Variants in ASB4 observed in about 807,000 individuals in gnomAD.
The protein encoded by ASB4 is ankyrin repeat and SOCS box containing 4, also known as ankyrin repeat and SOCS box protein 4.
In ASB4, 35 loss-of-function variants were observed where a neutral mutation model predicts 38.6. The observed-to-expected ratio is 0.91, with a 90% CI of 0.69 to 1.20. The LOEUF (loss-of-function observed/expected upper bound fraction) is 1.20. ASB4 is among the 50% of genes most tolerant of loss of function. The probability of loss-of-function intolerance (pLI) is 0.00; values close to 1 mark genes in which losing one functional copy is unlikely to be tolerated. For missense variants in ASB4, 557 were observed against 527.2 expected, an observed-to-expected ratio of 1.06 and a Z score of -0.55; for synonymous variants, 195 against 201.3, an observed-to-expected ratio of 0.97 and a Z score of 0.26.
At chr7:95,528,713 C>T (rs2116647515) in intron 3 of ASB4, 1 of 1,055,884 alleles carries the variant, frequency 9.5e-7, no homozygotes, top group African/African-American at 1.7e-5. Context: ...AAAGGGCCAC[C>T]CGATTTTCCA....
In ASB4 at chr7:95,493,378, GTGTGTGTGTGTGTA is replaced by G. The variant is rs1225213288; in HGVS notation, c.188-2366_188-2353del. Among the ~76,000 whole-genome samples, 288 of 118,330 alleles carry G rather than the reference GTGTGTGTGTGTGTA, an allele frequency of 2.4e-3. 2 individuals are homozygous for G. Among genetic ancestry groups the G allele is most frequent in the East Asian group, 0.015 (52 of 3,556 alleles). 77.6% of individuals were successfully genotyped at this position (118,330 alleles called of 152,430 possible). A position where few individuals can be genotyped will look rare whatever the true frequency, so the allele number is the denominator to read the frequency against. On this transcript the variant is annotated intron_variant, in intron 1 of 4. Coordinates refer to ENST00000325885, the MANE Select transcript of ASB4 (RefSeq NM_016116.3). ...GAGATGAAAGTGTGTGTGTGTGTGT[GTGTGTGTGTGTGTA>G]TGTGTGTGTGTGTGTATAGCTAGGT...
chr7:95,534,377 A>T (rs1213973254), intron 3 of ASB4, among the ~76,000 whole-genome samples: 1 of 151,508 alleles, frequency 6.6e-6, no homozygotes, highest in African/African-American at 2.4e-5. Context: ...CCTCCTCATT[A>T]TCTGTCCATC....
chr7:95,495,498 G>A (rs1585797985), intron 1 of ASB4, among the ~76,000 whole-genome samples: 1 of 152,148 alleles, frequency 6.6e-6, no homozygotes, highest in Middle Eastern at 3.4e-3. Context: ...GTAAATAAAG[G>A]AACAAGACAC....
rs564225808 is a variant in ASB4 at position 95,505,741 on chromosome 7, A to G, written c.487+9684A>G. ...CTGTCCCTTATGATGTTATATTATA[A>G]CTATGAGGCTTGTGGTCAACTATGA... On this transcript the variant is annotated intron_variant, in intron 2 of 4. Transcript: ENST00000325885. 4.9e-5 allele frequency among the ~76,000 whole-genome samples: 7 copies of G among 143,520 alleles called. No homozygotes were observed. The South Asian group carries it at 1.7e-3, about 35-fold the overall frequency. The allele number at this position is 143,520 out of a possible 152,430, so 94.2% of individuals were successfully genotyped here. A position where few individuals can be genotyped will look rare whatever the true frequency, so the allele number is the denominator to read the frequency against.
chr7:95,512,031 C>T (rs1790489624), intron 2 of ASB4, among the ~76,000 whole-genome samples: 1 of 152,204 alleles, frequency 6.6e-6, no homozygotes, highest in South Asian at 2.1e-4. Flanking sequence ...CTGCCACTCC[C>T]TCAGCTTCTT....
chr7:95,504,448 C>A (rs1790381339), intron 2 of ASB4, among the ~76,000 whole-genome samples: 1 of 152,154 alleles, frequency 6.6e-6, no homozygotes, highest in Non-Finnish European at 1.5e-5. Context: ...GCCTGCTGGA[C>A]AGACGCTGCT....
chr7:95,545,045 T>TTC (rs1172836092), downstream of ASB4, among the ~76,000 whole-genome samples: 1 of 151,822 alleles, frequency 6.6e-6, no homozygotes, highest in Non-Finnish European at 1.5e-5. Context: ...CAGCTTTTTT[T>TTC]TTTTTCTTTT....
chr7:95,525,526 G>A, intron 2 of ASB4, among the ~76,000 whole-genome samples: 1 of 152,062 alleles, frequency 6.6e-6, no homozygotes, highest in East Asian at 1.9e-4. Context: ...AGGAAACCAT[G>A]TAGCATATCT....
intron 2 of ASB4, among the ~76,000 whole-genome samples, chr7:95,511,202 G>C (rs1338668070): frequency 6.6e-6 from 1 of 152,070 alleles, no homozygotes; most frequent in Non-Finnish European, 1.5e-5. Context: ...ACAGAATAAC[G>C]GTGGACCCCT....
chr7:95,475,049 C>T (rs1391181533), upstream of ASB4, among the ~76,000 whole-genome samples: 2 of 152,132 alleles, frequency 1.3e-5, no homozygotes, highest in Non-Finnish European at 2.9e-5. Flanking sequence ...TATAGACAAG[C>T]TGTTTTTTAT....
At chr7:95,501,121 C>A (rs969150857) in intron 2 of ASB4, among the ~76,000 whole-genome samples, 1 of 152,092 alleles carries the variant, frequency 6.6e-6, no homozygotes, top group Non-Finnish European at 1.5e-5. Flanking sequence ...TAATCATTAA[C>A]TTTCTAATTA....
At chr7:95,515,459 A>C (rs1422579007) in intron 2 of ASB4, among the ~76,000 whole-genome samples, 1 of 129,434 alleles carries the variant, frequency 7.7e-6, no homozygotes, top group African/African-American at 3.0e-5. Flanking sequence ...TTCTGTCGCT[A>C]GGTTGGAGTG....
chr7:95,482,281 A>T (rs1021382702), upstream of ASB4, among the ~76,000 whole-genome samples: 1 of 152,206 alleles, frequency 6.6e-6, no homozygotes, highest in Non-Finnish European at 1.5e-5. Flanking sequence ...ATTTATTTAT[A>T]TAGCTATGGG....
intron 2 of ASB4, among the ~76,000 whole-genome samples, chr7:95,510,359 G>A (rs1239653281): frequency 6.6e-6 from 1 of 152,080 alleles, no homozygotes; most frequent in Non-Finnish European, 1.5e-5. Flanking sequence ...GCTCCAACAA[G>A]GGTGTAGATA....
chr7:95,513,234 T>C (rs907524006), intron 2 of ASB4, among the ~76,000 whole-genome samples: 1 of 143,710 alleles, frequency 7.0e-6, no homozygotes, highest in African/African-American at 2.6e-5. Flanking sequence ...ACTGTCAGGG[T>C]TTTTTTTGTT....
intron 2 of ASB4, among the ~76,000 whole-genome samples, chr7:95,518,117 C>A (rs1388641086): frequency 6.6e-6 from 1 of 152,052 alleles, no homozygotes; most frequent in Non-Finnish European, 1.5e-5. Flanking sequence ...TTTGTTTTAC[C>A]AAAACCCACA....
intron 2 of ASB4, among the ~76,000 whole-genome samples, chr7:95,522,591 G>GA (rs1289423363): frequency 1.3e-5 from 2 of 151,940 alleles, no homozygotes; most frequent in African/African-American, 4.8e-5. Context: ...TTACACTGCA[G>GA]CATAGGAAGT....
the ASB4 span, among the ~76,000 whole-genome samples, chr7:95,548,538 A>G: frequency 1.3e-5 from 2 of 152,230 alleles, no homozygotes; most frequent in African/African-American, 2.4e-5. Context: ...TAATGCTTAT[A>G]AAGTACTCAG....
chr7:95,499,794 C>T (rs192926278), intron 2 of ASB4, among the ~76,000 whole-genome samples: 55 of 149,766 alleles, frequency 3.7e-4, no homozygotes, highest in African/African-American at 1.3e-3. Flanking sequence ...TGAAGATGCA[C>T]GAGACAGGAT....
Sources: gnomAD v4.1 joint callset for allele counts (sites outside exome capture counted in the v4.1 genomes callset) on GRCh38, gnomAD v4.1.1 for gene constraint, MANE v1.5 for transcripts, NCBI Gene and HGNC (gene_info 2026-07-23, HGNC 2026-07-21) for gene names.